Variants in EZR observed in about 807,000 individuals in gnomAD.
EZR encodes the protein ezrin, also known as cytovillin 2.
Under a neutral mutation model 74.8 loss-of-function variants are expected in EZR, and 40 were observed. The observed-to-expected ratio is 0.53, with a 90% CI of 0.42 to 0.70. EZR has a LOEUF of 0.70. Ranked by LOEUF, EZR falls within the 30% of genes least tolerant of loss-of-function variation. EZR has a pLI of 0.00. For synonymous variants in EZR, 341 were observed against 283.3 expected (o/e 1.20, Z -2.05); for missense variants, 678 against 755.8 (o/e 0.90, Z 1.21).
intron 2 of EZR, among the ~76,000 whole-genome samples, chr6:158,812,199 T>A (rs929952137): frequency 6.6e-6 from 1 of 152,184 alleles, no homozygotes; most frequent in African/African-American, 2.4e-5. Context: ...TAGCCCCTAT[T>A]CGAGTCCCAA....
At chr6:158,818,243 G>T (rs561056224) in intron 1 of EZR, 77 bp from the exon 2 acceptor site, 11 of 734,048 alleles carry the variant, frequency 1.5e-5, no homozygotes, top group Non-Finnish European at 2.3e-5. Flanking sequence ...CTCGGCGCCC[G>T]CAGCGCGCTG....
chr6:158,818,866 G>A (rs995305344), intron 1 of EZR, among the ~76,000 whole-genome samples: 2 of 150,410 alleles, frequency 1.3e-5, no homozygotes, highest in Non-Finnish European at 3.0e-5. Flanking sequence ...GGCACTCGCT[G>A]GGGAGGGATC....
intron 7 of EZR, among the ~76,000 whole-genome samples, chr6:158,782,517 G>T (rs1396168953): frequency 6.6e-6 from 1 of 152,196 alleles, no homozygotes; most frequent in Non-Finnish European, 1.5e-5. Flanking sequence ...GTACATCCAG[G>T]AACTCTGGGC....
At chr6:158,774,672 AACACACACAC>A (rs56400693) in intron 8 of EZR, among the ~76,000 whole-genome samples, 57,125 of 142,390 alleles carry the variant, frequency 0.4, 11,781 homozygotes, top group Non-Finnish European at 0.47. Flanking sequence ...CTTATCATCA[AACACACACAC>A]ACACACACAC....
rs375840157 is a variant in EZR at position 158,770,857 on chromosome 6, C to T, written c.997G>A (p.Val333Met). ...LETEKKRRET[V>M]EREKEQMMRE... ...ATCATCTGCTCTTTCTCTCTCTCCA[C>T]GGTTTCTCTCCTTTTCTTCTCTGTT... Residue 333 changes from valine to methionine, a missense_variant, in exon 10 of 14, where the codon GTG becomes ATG. Coordinates refer to ENST00000367075, the MANE Select transcript of EZR (RefSeq NM_001111077.2). 8.9e-5 allele frequency: 143 copies of T among 1,614,108 alleles called. No homozygotes were observed. The highest frequency in any genetic ancestry group is 9.3e-5 in the African/African-American group (7 of 74,940).
At chr6:158,773,178 ATGGGGTTG>A (rs1285039715) in intron 8 of EZR, among the ~76,000 whole-genome samples, 1 of 152,112 alleles carries the variant, frequency 6.6e-6, no homozygotes, top group African/African-American at 2.4e-5. Context: ...ACTCCCCTTT[ATGGGGTTG>A]TGGGGGTGCA....
chr6:158,772,022 CCA>C (rs1339061680), intron 8 of EZR, among the ~76,000 whole-genome samples: 37 of 152,212 alleles, frequency 2.4e-4, no homozygotes, highest in Non-Finnish European at 3.8e-4. Context: ...TGGGCCCAAC[CCA>C]CACAGAGACC....
intron 4 of EZR, among the ~76,000 whole-genome samples, chr6:158,786,109 C>T (rs1791574153): frequency 2.0e-5 from 3 of 151,814 alleles, no homozygotes; most frequent in African/African-American, 7.3e-5. Context: ...CATGGTGGCT[C>T]ACGACTGTAA....
chr6:158,783,606 G>A lies in EZR; in HGVS notation c.612C>T (p.Asn204=). The A allele has an allele frequency of 3.7e-6, 6 of 1,613,724 alleles. No individual in the cohort carries two copies. The South Asian group carries it at 4.4e-5, about 12-fold the overall frequency. ...CTTTCTTGTTTTTTATCTCGAAATA[G>A]TTGATTCCATACATTTCCAGGTCCT... The part of the protein sequence containing the change: ...IAQDLEMYGI[N]YFEIKNKKGT... Residue 204 remains asparagine (N), a synonymous_variant, in exon 7 of 14, where the codon AAC becomes AAT. Coordinates refer to ENST00000367075, the MANE Select transcript of EZR (RefSeq NM_001111077.2).
intron 2 of EZR, among the ~76,000 whole-genome samples, chr6:158,814,725 T>C (rs1777518307): frequency 6.6e-6 from 1 of 152,002 alleles, no homozygotes; most frequent in African/African-American, 2.4e-5. Context: ...GTATTTTTAG[T>C]AGAGATGGGG....
At position 158,785,542 on chromosome 6, in the gene EZR, G is replaced by C. The variant is rs1235922933; in HGVS notation, c.234C>G (p.Phe78Leu). ...QEVRKENPLQ[F>L]KFRAKFYPED... ...CAGGGTAGAACTTGGCCCGGAACTT[G>C]AACTGGAGGGGATTCTCCTTCCTGA... Residue 78 changes from phenylalanine (F) to leucine (L), a missense_variant, in exon 5 of 14, where the codon TTC becomes TTG. Phe to Leu is a conservative substitution (Grantham distance 22). This residue lies in a region of EZR where 217 missense variants were observed against 232.2 expected (regional missense o/e 0.93). Transcript: ENST00000367075. 6.2e-7 allele frequency: 1 copy of C among 1,614,026 alleles called. No homozygotes were observed. Among genetic ancestry groups the C allele is most frequent in the Non-Finnish European group, 8.5e-7 (1 of 1,180,030 alleles).
intron 2 of EZR, among the ~76,000 whole-genome samples, chr6:158,814,703 C>T (rs548478499): frequency 1.3e-5 from 2 of 152,056 alleles, no homozygotes; most frequent in South Asian, 2.1e-4. Flanking sequence ...ATACCACGCC[C>T]GGCTAATTTT....
chr6:158,783,576 T>C lies in EZR; in HGVS notation c.642A>G (p.Thr214=). 1 of 1,613,718 alleles carries C rather than the reference T, an allele frequency of 6.2e-7. No individual in the cohort carries two copies. Among genetic ancestry groups the C allele is most frequent in the Non-Finnish European group, 8.5e-7 (1 of 1,179,904 alleles). ...NYFEIKNKKG[T]DLWLGVDALG... The stretch of plus-strand genomic sequence containing the variant: ...GGGCATCAACTCCAAGCCAAAGGTC[T>C]GTTCCTTTCTTGTTTTTTATCTCGA... Residue 214 remains threonine (T), a synonymous_variant, in exon 7 of 14, where the codon ACA becomes ACG. Coordinates refer to ENST00000367075, the MANE Select transcript of EZR (RefSeq NM_001111077.2).
intron 2 of EZR, among the ~76,000 whole-genome samples, chr6:158,801,558 AC>A (rs1777187804): frequency 6.6e-6 from 1 of 152,250 alleles, no homozygotes. Flanking sequence ...CAGCACAATA[AC>A]AAAAACATGG....
intron 3 of EZR, among the ~76,000 whole-genome samples, chr6:158,788,983 G>A (rs1249425132): frequency 6.6e-6 from 1 of 152,154 alleles, no homozygotes; most frequent in East Asian, 1.9e-4. Flanking sequence ...TCCTTACAAT[G>A]ACAAGCACAA....
chr6:158,770,801 C>T lies in EZR; in HGVS notation c.1053G>A (p.Leu351=), dbSNP rs2128566061. ...TCTTTGTCTTCTCCTCATAGTCCTG[C>T]AGCCGCAGCATCAACTCCTCCTTCT... The part of the protein sequence containing the change: ...MREKEELMLR[L]QDYEEKTKKA... The change falls in exon 10 of 14, where the codon CTG becomes CTA. Residue 351 remains leucine, a synonymous_variant. Coordinates refer to ENST00000367075, the MANE Select transcript of EZR (RefSeq NM_001111077.2). The T allele has an allele frequency of 6.2e-7, 1 of 1,614,234 alleles. No individual in the cohort carries two copies. Among genetic ancestry groups the T allele is most frequent in the Non-Finnish European group, 8.5e-7 (1 of 1,180,042 alleles).
chr6:158,797,162 A>G (rs1289934472), intron 2 of EZR, among the ~76,000 whole-genome samples: 3 of 152,202 alleles, frequency 2.0e-5, no homozygotes, highest in Admixed American at 1.3e-4. Flanking sequence ...GCATAAATTC[A>G]AACTGTAATA....
At chr6:158,777,463 T>C (rs1454685175) in intron 7 of EZR, among the ~76,000 whole-genome samples, 1 of 152,252 alleles carries the variant, frequency 6.6e-6, no homozygotes, top group African/African-American at 2.4e-5. Context: ...CAAGACCACA[T>C]TGCTCTGCTC....
At chr6:158,774,226 A>C (rs935042463) in intron 8 of EZR, among the ~76,000 whole-genome samples, 1 of 152,174 alleles carries the variant, frequency 6.6e-6, no homozygotes, top group East Asian at 1.9e-4. Flanking sequence ...TGCCTCGAGC[A>C]GCCCTGGGGT....
Sources: gnomAD v4.1 joint callset for allele counts (sites outside exome capture counted in the v4.1 genomes callset) on GRCh38, gnomAD v4.1.1 for gene constraint, gnomAD v4.1.1 regional missense constraint, MANE v1.5 for transcripts, NCBI Gene and HGNC (gene_info 2026-07-23, HGNC 2026-07-21) for gene names.